The following GRB10 variants were observed in gnomAD, a reference collection of about 807,000 sequenced individuals.
GRB10 encodes growth factor receptor bound protein 10.
A neutral mutation model predicts 80.9 loss-of-function variants in GRB10; 20 were observed. That is an observed-to-expected ratio of 0.25 (90% CI 0.17 to 0.36). GRB10 has a LOEUF of 0.36. Among genes scored for constraint, GRB10 ranks in the 10% least tolerant of loss-of-function variants. The pLI, the probability that GRB10 is intolerant of heterozygous loss-of-function variation, is 1.00. For missense variants in GRB10, 548 were observed against 747.7 expected (o/e 0.73, Z 3.12); for synonymous variants, 291 against 291.5 (o/e 1.00, Z 0.02).
intron 2 of GRB10, among the ~76,000 whole-genome samples, chr7:50,758,656 C>T (rs1350075460): frequency 1.3e-5 from 2 of 152,164 alleles, no homozygotes; most frequent in African/African-American, 4.8e-5. Flanking sequence ...AAGTCTAGGC[C>T]TTCTCAGAAG....
intron 2 of GRB10, among the ~76,000 whole-genome samples, chr7:50,777,973 G>T (rs751891317): frequency 6.6e-6 from 1 of 152,124 alleles, no homozygotes; most frequent in Non-Finnish European, 1.5e-5. Flanking sequence ...AATGCTTGGG[G>T]GGCTTAAAAT....
intron 4 of GRB10, among the ~76,000 whole-genome samples, chr7:50,711,408 G>A (rs1020153249): frequency 1.3e-5 from 2 of 152,156 alleles, no homozygotes; most frequent in Non-Finnish European, 2.9e-5. Context: ...GCCCAGCCAG[G>A]GACATCAGCT....
chr7:50,744,281 G>A (rs1289266698), intron 3 of GRB10, among the ~76,000 whole-genome samples: 3 of 152,172 alleles, frequency 2.0e-5, no homozygotes, highest in African/African-American at 4.8e-5. Flanking sequence ...AGAAAAGGAC[G>A]GCAGGGAGGG....
At chr7:50,657,385 C>T (rs991019484) in intron 7 of GRB10, among the ~76,000 whole-genome samples, 5 of 152,124 alleles carry the variant, frequency 3.3e-5, no homozygotes, top group South Asian at 2.1e-4. Flanking sequence ...GATGTTCCCG[C>T]GGCTCCTGGC....
At chr7:50,750,554 G>A (rs945798214) in intron 3 of GRB10, among the ~76,000 whole-genome samples, 10 of 152,224 alleles carry the variant, frequency 6.6e-5, no homozygotes, top group Non-Finnish European at 4.4e-5. Context: ...TCTCTCTTGG[G>A]GCAAGACATC....
intron 7 of GRB10, among the ~76,000 whole-genome samples, chr7:50,635,654 C>CA (rs1306756887): frequency 1.3e-5 from 2 of 151,802 alleles, no homozygotes; most frequent in African/African-American, 4.8e-5. Context: ...TACCTAAGAA[C>CA]AAAAGAAGAT....
intron 3 of GRB10, among the ~76,000 whole-genome samples, chr7:50,738,255 A>C (rs1324121015): frequency 1.3e-5 from 2 of 152,210 alleles, no homozygotes; most frequent in African/African-American, 2.4e-5. Context: ...CCCACTTCTA[A>C]GCATATAATA....
intron 7 of GRB10, among the ~76,000 whole-genome samples, chr7:50,640,570 T>C (rs1006699712): frequency 3.9e-5 from 6 of 152,234 alleles, no homozygotes; most frequent in African/African-American, 1.4e-4. Flanking sequence ...TTAGAATTTA[T>C]GCATTTTCCC....
intron 7 of GRB10, among the ~76,000 whole-genome samples, chr7:50,660,170 G>A (rs1031592954): frequency 7.9e-5 from 12 of 152,300 alleles, no homozygotes; most frequent in East Asian, 1.9e-4. Context: ...CTGCGGTGCC[G>A]TGTTCACGTG....
chr7:50,763,781 C>T (rs2076032763), intron 2 of GRB10, among the ~76,000 whole-genome samples: 1 of 152,344 alleles, frequency 6.6e-6, no homozygotes, highest in Non-Finnish European at 1.5e-5. Context: ...CACTCCCTTC[C>T]ATCTCTGCTG....
intron 12 of GRB10, among the ~76,000 whole-genome samples, chr7:50,614,366 C>T (rs2050147546): frequency 6.6e-6 from 1 of 152,200 alleles, no homozygotes; most frequent in Non-Finnish European, 1.5e-5. Context: ...ACCATCCCCA[C>T]AGCCAGAGGC....
At chr7:50,633,457 C>T (rs1208272668) in intron 7 of GRB10, among the ~76,000 whole-genome samples, 1 of 152,206 alleles carries the variant, frequency 6.6e-6, no homozygotes, top group South Asian at 2.1e-4. Flanking sequence ...AAGTAGTGAC[C>T]GCTTCTACAG....
chr7:50,638,911 A>C (rs1161842127), intron 7 of GRB10, among the ~76,000 whole-genome samples: 1 of 152,260 alleles, frequency 6.6e-6, no homozygotes, highest in Non-Finnish European at 1.5e-5. Flanking sequence ...GTAGTCATAA[A>C]AAAGAATGAA....
At position 50,592,239 on chromosome 7, in the gene GRB10, A is replaced by G. The variant is rs769094921; in HGVS notation, c.*713T>C. ...TAACAAGAGGATCTGACATCTGAGC[A>G]TAGAGAAATGATTAACAGACTGTGG... On this transcript the variant is annotated 3_prime_UTR_variant, in exon 19 of 19. Transcript: ENST00000401949. 2 of 154,910 alleles carry G rather than the reference A, an allele frequency of 1.3e-5. No individual in the cohort carries two copies. The highest frequency in any genetic ancestry group is 2.9e-5 in the Non-Finnish European group (2 of 69,894). The allele number at this position is 154,910 out of a possible 1,614,324, so 9.6% of individuals were successfully genotyped here.
At chr7:50,731,200 C>T (rs2069661959) in intron 4 of GRB10, among the ~76,000 whole-genome samples, 1 of 151,988 alleles carries the variant, frequency 6.6e-6, no homozygotes, top group Admixed American at 6.6e-5. Context: ...TTTTAATCCT[C>T]TTTTCTGGCT....
chr7:50,634,158 T>C (rs2054513219), intron 7 of GRB10, among the ~76,000 whole-genome samples: 1 of 152,174 alleles, frequency 6.6e-6, no homozygotes. Flanking sequence ...AAATCACCTA[T>C]AATGGAAATC....
chr7:50,598,139 C>T (rs1477064978), intron 17 of GRB10, among the ~76,000 whole-genome samples: 1 of 152,208 alleles, frequency 6.6e-6, no homozygotes, highest in Non-Finnish European at 1.5e-5. Context: ...GCTGGGATTA[C>T]AGGCATGAGC....
chr7:50,740,376 C>T (rs1243437965), intron 3 of GRB10, among the ~76,000 whole-genome samples: 2 of 152,202 alleles, frequency 1.3e-5, no homozygotes, highest in East Asian at 3.8e-4. Flanking sequence ...ATACCCAGAA[C>T]AGCAGATAGT....
chr7:50,618,013 C>A, intron 10 of GRB10, 58 bp downstream of exon 10: 1 of 1,340,196 alleles, frequency 7.5e-7, no homozygotes. Context: ...CCATTCAGTT[C>A]CAAGAGGATT....
Sources: allele counts gnomAD v4.1 joint callset (sites outside exome capture counted in the v4.1 genomes callset), GRCh38; gene constraint gnomAD v4.1.1; transcripts MANE v1.5; gene names NCBI Gene and HGNC (gene_info 2026-07-23, HGNC 2026-07-21).